BLM: variants seen among roughly 807,000 people sequenced by gnomAD.
BLM encodes the protein recQ-like DNA helicase BLM.
BLM carries 95 observed loss-of-function variants against 135.3 expected under a neutral mutation model. The observed-to-expected ratio is 0.70, with a 90% CI of 0.59 to 0.83. The LOEUF is 0.83. BLM is among the 40% of genes least tolerant of loss of function. BLM has a pLI of 0.00. For missense variants in BLM, 1,518 were observed against 1,663.9 expected, an observed-to-expected ratio of 0.91 and a Z score of 1.53; for synonymous variants, 520 against 589.2, an observed-to-expected ratio of 0.88 and a Z score of 1.70.
rs1277913355 is a variant in BLM, at chr15:90,751,878, T to TA, written c.892dup (p.Thr298AsnfsTer23). On this transcript the variant is annotated frameshift_variant, in exon 4 of 22. Transcript: ENST00000355112. LOFTEE classifies it high-confidence loss of function. Reference sequence around the variant, plus strand: ...TTGAATTTGATGATGATGATTATGATACGGATTTTGTTCCACCTTCTCCAG... The same window carrying TA: ...TTGAATTTGATGATGATGATTATGATAACGGATTTTGTTCCACCTTCTCCAG... 2 of 1,613,148 alleles carry TA rather than the reference T, an allele frequency of 1.2e-6. No homozygotes were observed. The highest frequency in any genetic ancestry group is 1.7e-5 in the Admixed American group (1 of 60,026).
intron 5 of BLM, among the ~76,000 whole-genome samples, chr15:90,756,113 T>G (rs1895811222): frequency 6.6e-6 from 1 of 152,074 alleles, no homozygotes; most frequent in Non-Finnish European, 1.5e-5. Context: ...TTTCCTTTTT[T>G]TTTTTTTTGA....
chr15:90,747,581 C>T (rs1407177461), intron 2 of BLM, 91 bp downstream of exon 2: 5 of 831,290 alleles, frequency 6.0e-6, no homozygotes, highest in Non-Finnish European at 1.0e-5. Context: ...CCCCATTGTA[C>T]AGATGAGGAA....
At chr15:90,776,538 G>A (rs1035203655) in intron 12 of BLM, among the ~76,000 whole-genome samples, 1 of 151,964 alleles carries the variant, frequency 6.6e-6, no homozygotes, top group Non-Finnish European at 1.5e-5. Context: ...TGTTTTTTGA[G>A]ACAGAGTCCC....
intron 1 of BLM, among the ~76,000 whole-genome samples, chr15:90,737,993 G>T (rs539015568): frequency 6.6e-6 from 1 of 152,232 alleles, no homozygotes; most frequent in East Asian, 1.9e-4. Context: ...CTGATTTACA[G>T]AAGTAAAAAG....
intron 1 of BLM, among the ~76,000 whole-genome samples, chr15:90,731,908 A>G (rs1031625087): frequency 6.6e-6 from 1 of 152,070 alleles, no homozygotes; most frequent in Non-Finnish European, 1.5e-5. Context: ...CCATGTTGCC[A>G]AGGCTGGTCT....
At chr15:90,744,541 T>C (rs1190285946) in intron 1 of BLM, among the ~76,000 whole-genome samples, 3 of 151,884 alleles carry the variant, frequency 2.0e-5, no homozygotes, top group Non-Finnish European at 2.9e-5. Context: ...CCCAGCTAAT[T>C]TTGTATTTTT....
At chr15:90,750,628 CTTCAT>C (rs1895656327) in intron 3 of BLM, among the ~76,000 whole-genome samples, 1 of 152,170 alleles carries the variant, frequency 6.6e-6, no homozygotes, top group Non-Finnish European at 1.5e-5. Flanking sequence ...ATTCACCTCT[CTTCAT>C]CTCATCATAT....
chr15:90,804,885 G>A (rs28745039), intron 19 of BLM, among the ~76,000 whole-genome samples: 5 of 152,138 alleles, frequency 3.3e-5, no homozygotes, highest in African/African-American at 1.2e-4. Flanking sequence ...TGCCCAGGCT[G>A]GAGTGCAGTG....
intron 1 of BLM, among the ~76,000 whole-genome samples, chr15:90,743,208 G>A (rs144501253): frequency 0.011 from 1,697 of 151,714 alleles, 31 homozygotes; most frequent in African/African-American, 0.038. Context: ...CAAACTCCTG[G>A]GCTCAAGCCA....
intron 10 of BLM, among the ~76,000 whole-genome samples, chr15:90,767,441 G>A (rs750674520): frequency 5.3e-5 from 8 of 152,156 alleles, no homozygotes; most frequent in South Asian, 2.1e-4. Flanking sequence ...CATGCATTCC[G>A]TTGTGCTTCT....
chr15:90,791,427 G>A (rs1438889251), intron 15 of BLM, among the ~76,000 whole-genome samples: 2 of 151,792 alleles, frequency 1.3e-5, no homozygotes, highest in African/African-American at 2.4e-5. Context: ...ATAATGACCC[G>A]ATTTTTTTCA....
intron 12 of BLM, among the ~76,000 whole-genome samples, chr15:90,778,840 C>T (rs1467056769): frequency 1.3e-5 from 2 of 150,972 alleles, no homozygotes; most frequent in African/African-American, 2.4e-5. Context: ...AGGTATATGC[C>T]CAGGAGTGAA....
intron 12 of BLM, among the ~76,000 whole-genome samples, chr15:90,779,388 G>C (rs1051363157): frequency 6.6e-6 from 1 of 152,004 alleles, no homozygotes; most frequent in African/African-American, 2.4e-5. Flanking sequence ...GTGGGAAAAA[G>C]CAATAAGGCC....
chr15:90,794,493 T>C (rs746379412), intron 16 of BLM, 136 bp downstream of exon 16: 46 of 646,504 alleles, frequency 7.1e-5, no homozygotes, highest in Non-Finnish European at 6.6e-5. Context: ...CCAGTAGTAA[T>C]TTGGAATGGA....
intron 1 of BLM, among the ~76,000 whole-genome samples, chr15:90,720,407 T>A (rs1894733962): frequency 6.6e-6 from 1 of 152,212 alleles, no homozygotes. Flanking sequence ...TATTGAAACA[T>A]ATTCTCAATG....
chr15:90,798,373 A>G (rs776383606), intron 17 of BLM, 36 bp downstream of exon 17: 40 of 1,600,174 alleles, frequency 2.5e-5, no homozygotes, highest in Non-Finnish European at 3.3e-5. Context: ...AGTTACTTCA[A>G]TTGAAATTGA....
chr15:90,732,841 A>G (rs1439991523), intron 1 of BLM, among the ~76,000 whole-genome samples: 1 of 152,230 alleles, frequency 6.6e-6, no homozygotes, highest in Non-Finnish European at 1.5e-5. Flanking sequence ...CATGCCAGTA[A>G]TCCCAGCACT....
intron 9 of BLM, among the ~76,000 whole-genome samples, chr15:90,765,814 T>C (rs1319294627): frequency 1.3e-5 from 2 of 152,222 alleles, no homozygotes; most frequent in African/African-American, 4.8e-5. Flanking sequence ...TGCATTCTAC[T>C]TAACTCTTCA....
intron 17 of BLM, among the ~76,000 whole-genome samples, chr15:90,798,975 CTG>C (rs1897099311): frequency 6.6e-6 from 1 of 151,176 alleles, no homozygotes; most frequent in Admixed American, 6.6e-5. Flanking sequence ...AAGAGTGAAA[CTG>C]TGTCTCAAAA....
Sources: gnomAD v4.1 joint callset for allele counts (sites outside exome capture counted in the v4.1 genomes callset) on GRCh38, gnomAD v4.1.1 for gene constraint, MANE v1.5 for transcripts, NCBI Gene and HGNC (gene_info 2026-07-23, HGNC 2026-07-21) for gene names.